The following PES1 variants were observed in gnomAD, a reference collection of about 807,000 sequenced individuals.
The protein encoded by PES1 is pescadillo homolog.
In PES1, 31 loss-of-function variants were observed where a neutral mutation model predicts 77.1. The observed-to-expected ratio is 0.40, with a 90% CI of 0.30 to 0.54. The LOEUF is 0.54. Ranked by LOEUF, PES1 falls within the 20% of genes least tolerant of loss-of-function variation. The probability of loss-of-function intolerance (pLI) is 0.45; values close to 1 mark genes in which losing one functional copy is unlikely to be tolerated. For synonymous variants in PES1, 282 were observed against 303.0 expected, an observed-to-expected ratio of 0.93 and a Z score of 0.72; for missense variants, 658 against 771.7, an observed-to-expected ratio of 0.85 and a Z score of 1.75.
intron 2 of PES1, chr22:30,605,409 A>C (rs2087423853): frequency 1.0e-6 from 1 of 979,198 alleles, no homozygotes; most frequent in Non-Finnish European, 1.2e-6. Flanking sequence ...CGACACCCTA[A>C]CTACCTTGGG....
chr22:30,585,709 T>TG (rs1310955402), intron 4 of PES1, among the ~76,000 whole-genome samples: 1 of 7,532 alleles, frequency 1.3e-4, no homozygotes, highest in Non-Finnish European at 2.6e-4. Flanking sequence ...GGTCAGGGGT[T>TG]GGGGGGAGTG....
At chr22:30,578,113 T>C (rs1163158575) in intron 14 of PES1, among the ~76,000 whole-genome samples, 1 of 152,104 alleles carries the variant, frequency 6.6e-6, no homozygotes, top group South Asian at 2.1e-4. Context: ...TAAAACCCCG[T>C]CTCTACTAAA....
rs1397218841 is a variant in PES1, at chr22:30,579,634, C to T, written c.1354+117G>A. Reference sequence around the variant, plus strand: ...CTCCTAAGCCTTATTCTACAGGTGACTTCAAAGGGCTTTCTGCTCCTACTG... The same window carrying T: ...CTCCTAAGCCTTATTCTACAGGTGATTTCAAAGGGCTTTCTGCTCCTACTG... On this transcript the variant is annotated intron_variant, in intron 12 of 14. Transcript: ENST00000354694. 4.0e-6 allele frequency: 4 copies of T among 989,894 alleles called. No homozygotes were observed. The African/African-American group carries it at 6.5e-5, about 16-fold the overall frequency. 61.3% of individuals were successfully genotyped at this position (989,894 alleles called of 1,614,324 possible).
intron 4 of PES1, among the ~76,000 whole-genome samples, chr22:30,586,501 G>A (rs1165799515): frequency 1.3e-5 from 2 of 152,130 alleles, no homozygotes; most frequent in East Asian, 1.9e-4. Flanking sequence ...CTGACATTCC[G>A]GGTCAGACTA....
At chr22:30,606,132 C>T (rs908009421) in intron 1 of PES1, among the ~76,000 whole-genome samples, 2 of 152,216 alleles carry the variant, frequency 1.3e-5, no homozygotes, top group Non-Finnish European at 2.9e-5. Flanking sequence ...CTTTTGTTCT[C>T]TTCCCTGTTT....
chr22:30,578,920 G>A lies in PES1; in HGVS notation c.1600C>T (p.Arg534Cys), dbSNP rs766577429. ...TTCTTCATCATCATAATGGCCAGGCGCTTGGCCTCACTCTCCTCCTCCTGG... is the reference window on the plus strand; with the variant it reads ...TTCTTCATCATCATAATGGCCAGGCACTTGGCCTCACTCTCCTCCTCCTGG... ...LAQEEESEAKRLAIMMMKKRE... is the reference protein window; with the variant it reads ...LAQEEESEAKCLAIMMMKKRE... Residue 534 changes from arginine to cysteine, a missense_variant, in exon 14 of 15, where the codon CGC becomes TGC. Transcript: ENST00000354694. 5.6e-6 allele frequency: 9 copies of A among 1,613,480 alleles called. No homozygotes were observed. The highest frequency in any genetic ancestry group is 2.2e-5 in the South Asian group (2 of 91,054).
At chr22:30,584,790 C>A in intron 4 of PES1, 73 bp from the exon 5 acceptor site, 3 of 1,490,638 alleles carry the variant, frequency 2.0e-6, no homozygotes, top group South Asian at 1.2e-5. Flanking sequence ...TCTCCTTATC[C>A]CACCCCAGAT....
intron 6 of PES1, chr22:30,584,085 C>T (rs2087028679): frequency 6.4e-6 from 3 of 472,290 alleles, no homozygotes; most frequent in Non-Finnish European, 1.2e-5. Context: ...GGCCAAGCAC[C>T]AGGCACTGTT....
At chr22:30,587,240 G>T in intron 4 of PES1, 46 bp downstream of exon 4, 1 of 1,287,710 alleles carries the variant, frequency 7.8e-7, no homozygotes, top group Non-Finnish European at 1.1e-6. Flanking sequence ...GCAGAGACCA[G>T]CAGTAAATGA....
At chr22:30,602,438 C>CTTTTTTTTTT (rs60067454) in intron 2 of PES1, among the ~76,000 whole-genome samples, 1 of 142,698 alleles carries the variant, frequency 7.0e-6, no homozygotes, top group African/African-American at 2.6e-5. Context: ...AAAACTAATA[C>CTTTTTTTTTT]TTTTTTTTTT....
chr22:30,596,829 C>G (rs1008718738), upstream of PES1, among the ~76,000 whole-genome samples: 4 of 152,220 alleles, frequency 2.6e-5, no homozygotes, highest in Non-Finnish European at 5.9e-5. Context: ...GAGGCCGGAG[C>G]CGGCTCCCTC....
chr22:30,578,096 A>C (rs1005329055), intron 14 of PES1, among the ~76,000 whole-genome samples: 6 of 152,184 alleles, frequency 3.9e-5, no homozygotes, highest in African/African-American at 1.4e-4. Flanking sequence ...CAGCCTGGCC[A>C]AGACAGTAAA....
At chr22:30,600,178 A>G (rs2087333182) in intron 2 of PES1, among the ~76,000 whole-genome samples, 1 of 142,810 alleles carries the variant, frequency 7.0e-6, no homozygotes, top group African/African-American at 2.5e-5. Flanking sequence ...ACTAAAACAT[A>G]AAAAAATTAG....
chr22:30,588,265 G>C, intron 2 of PES1, 91 bp from the exon 3 acceptor site: 1 of 1,451,022 alleles, frequency 6.9e-7, no homozygotes, highest in Non-Finnish European at 9.6e-7. Flanking sequence ...ACAGTAAATG[G>C]GGAACATGGG....
chr22:30,580,861 G>A, intron 9 of PES1, 151 bp downstream of exon 9: 1 of 1,188,668 alleles, frequency 8.4e-7, no homozygotes, highest in Admixed American at 2.1e-5. Context: ...TGCCTCCTAT[G>A]TAAACTCTGA....
Position 30,581,051 on chromosome 22 carries a change from T to C in PES1, c.873A>G (p.Thr291=). 1 of 1,612,374 alleles carries C rather than the reference T, an allele frequency of 6.2e-7. No homozygotes were observed. Among genetic ancestry groups the C allele is most frequent in the Non-Finnish European group, 8.5e-7 (1 of 1,179,674 alleles). The change falls in exon 9 of 15, where the codon ACA becomes ACG. Residue 291 remains threonine (T), a synonymous_variant. Coordinates refer to ENST00000354694, the MANE Select transcript of PES1 (RefSeq NM_014303.4). ...ACTCATCCACCTCGGCCTCCTCCTC[T>C]GTGGCAGGCACCACCACGCGGGCCA... is the stretch of plus-strand genomic sequence containing the variant. ...ASLARVVVPA[T]EEEAEVDEFP...
At chr22:30,583,782 T>A (rs1362247571) in intron 6 of PES1, among the ~76,000 whole-genome samples, 1 of 152,052 alleles carries the variant, frequency 6.6e-6, no homozygotes, top group Non-Finnish European at 1.5e-5. Flanking sequence ...AAGAAAACAA[T>A]ATATGTAGGA....
exon 1 of PES1, chr22:30,606,832 C>G: frequency 4.0e-6 from 4 of 1,005,110 alleles, no homozygotes; most frequent in Non-Finnish European, 4.8e-6. Flanking sequence ...CTGCAGCTCC[C>G]GTTCCACTCC....
exon 1 of PES1, chr22:30,606,839 C>T (rs1394975501): frequency 9.9e-7 from 1 of 1,009,728 alleles, no homozygotes; most frequent in Non-Finnish European, 1.2e-6. Flanking sequence ...TCCCGTTCCA[C>T]TCCTTGTCCT....
Sources: allele counts gnomAD v4.1 joint callset (sites outside exome capture counted in the v4.1 genomes callset), GRCh38; gene constraint gnomAD v4.1.1; transcripts MANE v1.5; gene names NCBI Gene and HGNC (gene_info 2026-07-23, HGNC 2026-07-21).